The following NCSTN variants were observed in gnomAD, a reference collection of about 807,000 sequenced individuals.
NCSTN encodes the protein anterior pharynx-defective 2.
Under a neutral mutation model 87.0 loss-of-function variants are expected in NCSTN, and 22 were observed. The ratio of observed to expected loss-of-function variants is 0.25; its 90% CI spans 0.18 to 0.36. The LOEUF is 0.36. NCSTN is among the 10% of genes least tolerant of loss of function. The pLI is 1.00. For synonymous variants in NCSTN, 306 were observed against 327.1 expected (o/e 0.94, Z 0.69); for missense variants, 693 against 883.3 (o/e 0.78, Z 2.73).
chr1:160,358,187 C>T lies in NCSTN; in HGVS notation c.2046C>T (p.Phe682=), dbSNP rs202179908. ...CAGTGGGCTTCGGCATCCTCATCTTCTCCCTCATCGTCACCTACTGCATCA... is the reference window on the plus strand; with the variant it reads ...CAGTGGGCTTCGGCATCCTCATCTTTTCCCTCATCGTCACCTACTGCATCA... ...TLTVGFGILI[F]SLIVTYCINA... Residue 682 remains phenylalanine (F), a synonymous_variant, in exon 17 of 17, where the codon TTC becomes TTT. Transcript: ENST00000294785. The T allele has an allele frequency of 9.2e-5, 149 of 1,614,074 alleles. No individual in the cohort carries two copies. Among genetic ancestry groups the T allele is most frequent in the Non-Finnish European group, 1.2e-4 (138 of 1,180,042 alleles).
chr1:160,353,290 C>G, intron 10 of NCSTN, 53 bp downstream of exon 10: 1 of 1,613,266 alleles, frequency 6.2e-7, no homozygotes, highest in East Asian at 2.2e-5. Context: ...GAATCCAGAC[C>G]CCAACCCCTG....
Position 160,349,648 on chromosome 1 carries a change from AC to A in NCSTN, c.415del (p.Gln139SerfsTer63). ...CTGCCTCAGGCTTCTCTCCTAGTGTACAGTGCCCAAATGATGGGTTTGGTAA... is the reference window on the plus strand; with the variant it reads ...CTGCCTCAGGCTTCTCTCCTAGTGTAAGTGCCCAAATGATGGGTTTGGTAA... The part of the protein sequence containing the change: ...SPASGFSPSV[Q>X]CPNDGFGVYS... On this transcript the variant is annotated frameshift_variant, in exon 4 of 17. Transcript: ENST00000294785. LOFTEE classifies it high-confidence loss of function. The A allele has an allele frequency of 6.2e-7, 1 of 1,614,080 alleles. No homozygotes were observed. The highest frequency in any genetic ancestry group is 8.5e-7 in the Non-Finnish European group (1 of 1,180,010).
At chr1:160,345,097 G>A (rs1648394263) in intron 2 of NCSTN, 2 of 528,354 alleles carry the variant, frequency 3.8e-6, no homozygotes, top group Non-Finnish European at 6.8e-6. Flanking sequence ...CTTTATAAAT[G>A]ATGAAACTAA....
chr1:160,343,852 C>G (rs1179969319), intron 1 of NCSTN: 1 of 507,540 alleles, frequency 2.0e-6, no homozygotes, highest in African/African-American at 1.9e-5. Flanking sequence ...GAGACGAAAG[C>G]AATCTTGTTC....
chr1:160,353,102 A>C, intron 9 of NCSTN, 58 bp from the exon 10 acceptor site: 1 of 1,593,206 alleles, frequency 6.3e-7, no homozygotes, highest in South Asian at 1.1e-5. Context: ...TCTATCCCCT[A>C]GGCATGGCCC....
chr1:160,348,987 C>T lies in NCSTN; in HGVS notation c.191-12C>T, dbSNP rs768770693. ...TATGGGAGCTTTAATTTGACTCATT[C>T]TGTCCTGGCAGCTTCAATTAGTGGA... On this transcript the variant is annotated splice_polypyrimidine_tract_variant and intron_variant, in intron 2 of 16. Coordinates refer to ENST00000294785, the MANE Select transcript of NCSTN (RefSeq NM_015331.3). 5 of 1,614,188 alleles carry T rather than the reference C, an allele frequency of 3.1e-6. No homozygotes were observed. Among genetic ancestry groups the T allele is most frequent in the Admixed American group, 3.3e-5 (2 of 60,030 alleles).
intron 2 of NCSTN, among the ~76,000 whole-genome samples, chr1:160,346,425 T>G (rs1371295749): frequency 6.6e-6 from 1 of 152,176 alleles, no homozygotes; most frequent in Non-Finnish European, 1.5e-5. Context: ...TCCCATTTGA[T>G]AAGAGAAAAC....
chr1:160,350,300 T>C (rs752441509), intron 5 of NCSTN, 50 bp downstream of exon 5: 1 of 1,605,332 alleles, frequency 6.2e-7, no homozygotes, highest in South Asian at 1.1e-5. Flanking sequence ...GAAGATTATT[T>C]TTCTAGCCAG....
At position 160,354,139 on chromosome 1, in the gene NCSTN, T is replaced by C. The variant is rs755672947; in HGVS notation, c.1201T>C (p.Leu401=). 16 of 1,613,990 alleles carry C rather than the reference T, an allele frequency of 9.9e-6. No individual in the cohort carries two copies. The Admixed American group carries it at 2.0e-4, about 20-fold the overall frequency. Residue 401 remains leucine (L), a synonymous_variant, in exon 11 of 17, where the codon TTG becomes CTG. Coordinates refer to ENST00000294785, the MANE Select transcript of NCSTN (RefSeq NM_015331.3). Reference sequence around the variant, plus strand: ...CCAGGTGGAGGATCTCCTGGCCACATTGGAGAAGAGTGGTGCTGGTGTCCC... The same window carrying C: ...CCAGGTGGAGGATCTCCTGGCCACACTGGAGAAGAGTGGTGCTGGTGTCCC... ...RNQVEDLLAT[L]EKSGAGVPAV... is the part of the protein sequence containing the mutation.
intron 2 of NCSTN, among the ~76,000 whole-genome samples, chr1:160,345,493 G>A (rs188279111): frequency 7.9e-5 from 12 of 151,880 alleles, no homozygotes; most frequent in Admixed American, 2.0e-4. Flanking sequence ...GCACCCAGCC[G>A]AGCCAGCACT....
chr1:160,354,674 C>T lies in NCSTN; in HGVS notation c.1352+384C>T, dbSNP rs566116701. Among the ~76,000 whole-genome samples, 26 of 152,276 alleles carry T rather than the reference C, an allele frequency of 1.7e-4. No individual in the cohort carries two copies. In the South Asian group the frequency reaches 5.0e-3, roughly 29 times the overall value. ...AAGCAGTCCTTCTCTGGAACTCACCCAGAGGTGCCAGAAACAGTATTCATA... is the reference window on the plus strand; with the variant it reads ...AAGCAGTCCTTCTCTGGAACTCACCTAGAGGTGCCAGAAACAGTATTCATA... On this transcript the variant is annotated intron_variant, in intron 11 of 16. Coordinates refer to ENST00000294785, the MANE Select transcript of NCSTN (RefSeq NM_015331.3).
chr1:160,351,919 G>A, intron 7 of NCSTN, 114 bp downstream of exon 7: 1 of 1,463,792 alleles, frequency 6.8e-7, no homozygotes, highest in Non-Finnish European at 9.6e-7. Flanking sequence ...CAAATGGGGA[G>A]GAATCTGGGC....
chr1:160,358,386 G>T lies in NCSTN; in HGVS notation c.*115G>T. 1 of 1,397,530 alleles carries T rather than the reference G, an allele frequency of 7.2e-7. No individual in the cohort carries two copies. Among genetic ancestry groups the T allele is most frequent in the South Asian group, 1.2e-5 (1 of 85,348 alleles). 86.6% of individuals were successfully genotyped at this position (1,397,530 alleles called of 1,614,324 possible). On this transcript the variant is annotated 3_prime_UTR_variant, in exon 17 of 17. Transcript: ENST00000294785. The stretch of plus-strand genomic sequence containing the variant: ...CCTCCCTGGGCCTGTCTCAGATTGG[G>T]ATTAACATAAAAGAGTGGAACTATC...
chr1:160,349,912 C>T (rs1047623295), intron 4 of NCSTN, among the ~76,000 whole-genome samples, 193 bp from the exon 5 acceptor site: 1 of 152,192 alleles, frequency 6.6e-6, no homozygotes, highest in Non-Finnish European at 1.5e-5. Flanking sequence ...CCTAATCTTA[C>T]AGCCTAAGAC....
chr1:160,357,134 G>T lies in NCSTN; in HGVS notation c.1888G>T (p.Ala630Ser), dbSNP rs200670495. 3 of 1,614,150 alleles carry T rather than the reference G, an allele frequency of 1.9e-6. No individual in the cohort carries two copies. ...CVRSTARLAR[A>S]LSPAFELSQW... is the part of the protein sequence containing the mutation. ...GCGTTCTACTGCACGATTAGCCAGGGCCTTGTCTCCTGCCTTTGAACTGAG... is the reference window on the plus strand; with the variant it reads ...GCGTTCTACTGCACGATTAGCCAGGTCCTTGTCTCCTGCCTTTGAACTGAG... The change falls in exon 16 of 17, where the codon GCC becomes TCC. Residue 630 changes from alanine to serine, a missense_variant. Transcript: ENST00000294785.
chr1:160,343,680 G>T (rs569449440), intron 1 of NCSTN, 199 bp downstream of exon 1: 37 of 717,862 alleles, frequency 5.2e-5, no homozygotes, highest in Non-Finnish European at 8.2e-5. Flanking sequence ...GCAGCACGTC[G>T]TGTCGCTTCA....
Position 160,354,297 on chromosome 1 carries a change from A to G in NCSTN, c.1352+7A>G. 1 of 1,614,004 alleles carries G rather than the reference A, an allele frequency of 6.2e-7. No homozygotes were observed. The highest frequency in any genetic ancestry group is 1.1e-5 in the South Asian group (1 of 91,084). On this transcript the variant is annotated splice_region_variant and intron_variant, in intron 11 of 16. Coordinates refer to ENST00000294785, the MANE Select transcript of NCSTN (RefSeq NM_015331.3). ...CTGGTGCCTTCCATAACAAGTAAGAATCACTTGGCCCTGCACCCTCTTCAT... is the reference window on the plus strand; with the variant it reads ...CTGGTGCCTTCCATAACAAGTAAGAGTCACTTGGCCCTGCACCCTCTTCAT...
At chr1:160,357,905 C>T (rs2101911772) in intron 16 of NCSTN, among the ~76,000 whole-genome samples, 1 of 152,334 alleles carries the variant, frequency 6.6e-6, no homozygotes, top group South Asian at 2.1e-4. Context: ...ATGGGCCCTC[C>T]TTTCAAAATG....
Position 160,358,145 on chromosome 1 carries a change from G to T in NCSTN, c.2008-4G>T, listed in dbSNP as rs931460148. On this transcript the variant is annotated splice_region_variant and splice_polypyrimidine_tract_variant and intron_variant, in intron 16 of 16. Coordinates refer to ENST00000294785, the MANE Select transcript of NCSTN (RefSeq NM_015331.3). The stretch of plus-strand genomic sequence containing the variant: ...GTCCTTTCCTGCCCTCCCTCCCCCT[G>T]CAGTTGATCACCCTGACAGTGGGCT... 2 of 1,614,038 alleles carry T rather than the reference G, an allele frequency of 1.2e-6. No individual in the cohort carries two copies. Among genetic ancestry groups the T allele is most frequent in the Admixed American group, 3.3e-5 (2 of 60,012 alleles).
Sources: allele counts gnomAD v4.1 joint callset (sites outside exome capture counted in the v4.1 genomes callset), GRCh38; gene constraint gnomAD v4.1.1; transcripts MANE v1.5; gene names NCBI Gene and HGNC (gene_info 2026-07-23, HGNC 2026-07-21).